MOB3B: variants seen among roughly 807,000 people sequenced by gnomAD.
MOB3B encodes MOB kinase activator-like 2B.
In MOB3B, 7 loss-of-function variants were observed where a neutral mutation model predicts 18.7. The observed-to-expected ratio is 0.37, with a 90% CI of 0.21 to 0.70. The LOEUF (loss-of-function observed/expected upper bound fraction) is 0.70, where lower values mean the gene tolerates loss of function less well. Ranked by LOEUF, MOB3B falls within the 30% of genes least tolerant of loss-of-function variation. The pLI, the probability that MOB3B is intolerant of heterozygous loss-of-function variation, is 0.52. For missense variants in MOB3B, 253 were observed against 281.3 expected, an observed-to-expected ratio of 0.90 and a Z score of 0.72; for synonymous variants, 111 against 99.9, an observed-to-expected ratio of 1.11 and a Z score of -0.66.
chr9:27,438,697 T>A (rs2131430529), intron 2 of MOB3B, among the ~76,000 whole-genome samples: 1 of 152,240 alleles, frequency 6.6e-6, no homozygotes, highest in East Asian at 1.9e-4. Flanking sequence ...CTGCAAGAGA[T>A]GAAACGTACA....
Position 27,465,933 on chromosome 9 carries a change from T to G in MOB3B, c.-198-10185A>C, listed in dbSNP as rs139629380. ...AAACCACTTTTTCCTGCTGGGCCTC[T>G]GGGCCTGTGATGGGTGGGGCAGCCA... On this transcript the variant is annotated intron_variant, in intron 1 of 3. Coordinates refer to ENST00000262244, the MANE Select transcript of MOB3B (RefSeq NM_024761.5). Among the ~76,000 whole-genome samples, 10 of 152,310 alleles carry G rather than the reference T, an allele frequency of 6.6e-5. No individual in the cohort carries two copies. The East Asian group carries it at 1.9e-3, about 29-fold the overall frequency.
At chr9:27,524,994 C>T in intron 1 of MOB3B, 1 of 1,499,108 alleles carries the variant, frequency 6.7e-7, no homozygotes, top group Non-Finnish European at 8.9e-7. Context: ...CCTTTTCCCT[C>T]CGAAATCTCT....
chr9:27,458,750 C>G (rs1694325606), intron 1 of MOB3B, among the ~76,000 whole-genome samples: 1 of 151,780 alleles, frequency 6.6e-6, no homozygotes, highest in Non-Finnish European at 1.5e-5. Flanking sequence ...GAGACATGGT[C>G]TCACTTTGTT....
Position 27,330,636 on chromosome 9 carries a change from G to A in MOB3B, c.622-20C>T, listed in dbSNP as rs1820772684. ...TTCTTTCTGGAAAGCAAGGGGAAAA[G>A]GATGGTTAGGAGAAACTATAAGCAG... On this transcript the variant is annotated intron_variant, in intron 3 of 3. Coordinates refer to ENST00000262244, the MANE Select transcript of MOB3B (RefSeq NM_024761.5). 2 of 1,614,044 alleles carry A rather than the reference G, an allele frequency of 1.2e-6. No homozygotes were observed. Among genetic ancestry groups the A allele is most frequent in the African/African-American group, 1.3e-5 (1 of 75,042 alleles).
intron 2 of MOB3B, among the ~76,000 whole-genome samples, chr9:27,396,004 G>A (rs1050690702): frequency 2.0e-5 from 3 of 152,068 alleles, no homozygotes; most frequent in Admixed American, 2.0e-4. Flanking sequence ...GAGGACGGGG[G>A]TTATGTTACC....
chr9:27,517,054 T>C lies in MOB3B; in HGVS notation c.-199+12501A>G, dbSNP rs147543724. Among the ~76,000 whole-genome samples the C allele has an allele frequency of 2.2e-4, 34 of 152,184 alleles. No homozygotes were observed. The East Asian group carries it at 6.4e-3, about 29-fold the overall frequency. ...GTTTCTCCCTAGTCTATTTCCTCCT[T>C]CTCACCCCCGCCTCCCATTCCAAAT... On this transcript the variant is annotated intron_variant, in intron 1 of 3. Transcript: ENST00000262244.
At chr9:27,372,221 G>A (rs181505422) in intron 2 of MOB3B, among the ~76,000 whole-genome samples, 59 of 152,290 alleles carry the variant, frequency 3.9e-4, no homozygotes, top group Admixed American at 1.2e-3. Context: ...TGACAGGGGC[G>A]TAGGAGCCAA....
intron 2 of MOB3B, among the ~76,000 whole-genome samples, chr9:27,445,803 T>C (rs1261543803): frequency 6.6e-6 from 1 of 152,054 alleles, no homozygotes; most frequent in East Asian, 1.9e-4. Context: ...AGGGTAATCT[T>C]CAGCTGCACC....
chr9:27,522,452 T>C (rs1349943505), intron 1 of MOB3B, among the ~76,000 whole-genome samples: 1 of 149,580 alleles, frequency 6.7e-6, no homozygotes, highest in African/African-American at 2.5e-5. Flanking sequence ...TATATGCATA[T>C]GTCTATATTT....
chr9:27,394,909 A>G (rs903009978), intron 2 of MOB3B, among the ~76,000 whole-genome samples: 3 of 152,238 alleles, frequency 2.0e-5, no homozygotes, highest in African/African-American at 7.2e-5. Flanking sequence ...TCATGCTTTG[A>G]CAGTGAGATG....
At chr9:27,492,143 T>C (rs1819829055) in intron 1 of MOB3B, among the ~76,000 whole-genome samples, 1 of 152,110 alleles carries the variant, frequency 6.6e-6, no homozygotes, top group South Asian at 2.1e-4. Context: ...TGTGCCTGTT[T>C]GTATGAGGAA....
At chr9:27,400,169 A>C (rs998487830) in intron 2 of MOB3B, among the ~76,000 whole-genome samples, 2 of 152,260 alleles carry the variant, frequency 1.3e-5, no homozygotes, top group African/African-American at 4.8e-5. Flanking sequence ...GACATTGTCC[A>C]CAACACAGTT....
chr9:27,348,586 G>T (rs1821063166), intron 3 of MOB3B, among the ~76,000 whole-genome samples: 2 of 152,068 alleles, frequency 1.3e-5, no homozygotes, highest in African/African-American at 4.8e-5. Context: ...CAGGGAGGTG[G>T]AGGTTGCAGT....
chr9:27,447,063 A>G (rs1032511282), intron 2 of MOB3B, among the ~76,000 whole-genome samples: 1 of 152,160 alleles, frequency 6.6e-6, no homozygotes, highest in African/African-American at 2.4e-5. Flanking sequence ...TTTGCAGATA[A>G]CACACGTCCT....
rs188346522 is a variant in MOB3B, at chr9:27,338,388, T to C, written c.622-7772A>G. 3.4e-3 allele frequency among the ~76,000 whole-genome samples: 523 copies of C among 152,238 alleles called. 1 individual carries two copies. Among genetic ancestry groups the C allele is most frequent in the Non-Finnish European group, 4.4e-3 (296 of 68,014 alleles). ...AACTCTGGGTGTGATGAAAGAGAGA[T>C]AGAGGATCCCAGCAGCGCCCCAGAG... On this transcript the variant is annotated intron_variant, in intron 3 of 3. Transcript: ENST00000262244.
At chr9:27,420,681 AG>A (rs1214623439) in intron 2 of MOB3B, among the ~76,000 whole-genome samples, 1 of 148,876 alleles carries the variant, frequency 6.7e-6, no homozygotes, top group African/African-American at 2.5e-5. Flanking sequence ...TTCTAAGTGA[AG>A]TAACTCAGGA....
At chr9:27,411,260 T>A (rs1822062478) in intron 2 of MOB3B, among the ~76,000 whole-genome samples, 1 of 151,976 alleles carries the variant, frequency 6.6e-6, no homozygotes, top group African/African-American at 2.4e-5. Context: ...AGTCCTGGGG[T>A]TGGAGGGAAG....
chr9:27,331,866 A>G (rs1820795374), intron 3 of MOB3B, among the ~76,000 whole-genome samples: 1 of 152,264 alleles, frequency 6.6e-6, no homozygotes, highest in South Asian at 2.1e-4. Context: ...AGGTGTTCAG[A>G]GAAGCGTTCT....
At chr9:27,428,838 G>A (rs962223829) in intron 2 of MOB3B, among the ~76,000 whole-genome samples, 2 of 152,186 alleles carry the variant, frequency 1.3e-5, no homozygotes, top group Non-Finnish European at 2.9e-5. Flanking sequence ...TGGGTGGGTT[G>A]CTTTGTATTT....
Sources: gnomAD v4.1 joint callset for allele counts (sites outside exome capture counted in the v4.1 genomes callset) on GRCh38, gnomAD v4.1.1 for gene constraint, MANE v1.5 for transcripts, NCBI Gene and HGNC (gene_info 2026-07-23, HGNC 2026-07-21) for gene names.